The following PDE3A variants were observed in gnomAD, a reference collection of about 807,000 sequenced individuals.
PDE3A encodes the protein phosphodiesterase 3A.
In PDE3A, 43 loss-of-function variants were observed where a neutral mutation model predicts 98.3. The observed-to-expected ratio is 0.44, with a 90% CI of 0.34 to 0.56. The LOEUF is 0.56. Ranked by LOEUF, PDE3A falls within the 20% of genes least tolerant of loss-of-function variation. PDE3A has a pLI of 0.01. For missense variants in PDE3A, 1,427 were observed against 1,440.7 expected (o/e 0.99, Z 0.15); for synonymous variants, 663 against 567.9 (o/e 1.17, Z -2.38).
intron 1 of PDE3A, among the ~76,000 whole-genome samples, chr12:20,448,451 A>C (rs560242694): frequency 9.3e-4 from 142 of 152,276 alleles, no homozygotes; most frequent in African/African-American, 3.4e-3. Flanking sequence ...CCAGGGGGAA[A>C]TATTAGTGAA....
At chr12:20,575,477 G>T (rs1398062398) in intron 2 of PDE3A, among the ~76,000 whole-genome samples, 1 of 151,984 alleles carries the variant, frequency 6.6e-6, no homozygotes, top group African/African-American at 2.4e-5. Flanking sequence ...AGATAAATTT[G>T]CCTTGCAACT....
chr12:20,587,140 T>G (rs1189559899), intron 2 of PDE3A, among the ~76,000 whole-genome samples: 1 of 151,984 alleles, frequency 6.6e-6, no homozygotes, highest in Non-Finnish European at 1.5e-5. Flanking sequence ...GAGGTCGAGG[T>G]GGGTGGATCA....
chr12:20,610,196 C>A (rs1943813623), intron 2 of PDE3A, among the ~76,000 whole-genome samples: 1 of 151,772 alleles, frequency 6.6e-6, no homozygotes, highest in African/African-American at 2.4e-5. Flanking sequence ...TCTTATAACA[C>A]AATAGGGGAA....
intron 15 of PDE3A, among the ~76,000 whole-genome samples, chr12:20,666,320 G>A (rs563286515): frequency 6.6e-6 from 1 of 152,170 alleles, no homozygotes; most frequent in South Asian, 2.1e-4. Flanking sequence ...TTTAAAGTAT[G>A]CAATACATTA....
At chr12:20,400,379 G>GTTTTTTTTTTTTTTTTTTTTTTTT (rs75851941) in intron 1 of PDE3A, among the ~76,000 whole-genome samples, 8 of 110,286 alleles carry the variant, frequency 7.3e-5, no homozygotes, top group Non-Finnish European at 1.2e-4. Context: ...GTTAACATTG[G>GTTTTTTTTTTTTTTTTTTTTTTTT]TTTTTTTTTT....
chr12:20,510,864 T>A lies in PDE3A; in HGVS notation c.961-45796T>A, dbSNP rs146749934. Among the ~76,000 whole-genome samples, 681 of 152,230 alleles carry A rather than the reference T, an allele frequency of 4.5e-3. 7 individuals carry two copies. Among genetic ancestry groups the A allele is most frequent in the African/African-American group, 0.011 (464 of 41,552 alleles). On this transcript the variant is annotated intron_variant, in intron 1 of 15. Transcript: ENST00000359062. ...GAAGGTCATACATGTTATTTATATG[T>A]CTTCTCCTTCATTCATTTGCTCAAA...
intron 15 of PDE3A, among the ~76,000 whole-genome samples, chr12:20,656,704 G>A (rs1945052361): frequency 6.6e-6 from 1 of 152,098 alleles, no homozygotes; most frequent in Admixed American, 6.5e-5. Context: ...GAATAAGACA[G>A]TTTTTCCACT....
intron 1 of PDE3A, among the ~76,000 whole-genome samples, chr12:20,536,720 T>C (rs1941758662): frequency 6.6e-6 from 1 of 152,152 alleles, no homozygotes; most frequent in South Asian, 2.1e-4. Context: ...TCAGTACTAC[T>C]TCATTTCTTT....
chr12:20,685,205 G>A lies in PDE3A; in HGVS notation c.*4934G>A, dbSNP rs950373187. ...AGGCTGGTGGATCACCTGAGGTCGGGAGTTCGACACCAGCCTGACCAACAC... is the reference window on the plus strand; with the variant it reads ...AGGCTGGTGGATCACCTGAGGTCGGAAGTTCGACACCAGCCTGACCAACAC... On this transcript the variant is annotated 3_prime_UTR_variant, in exon 16 of 16. Transcript: ENST00000359062. Among the ~76,000 whole-genome samples, 12 of 152,130 alleles carry A rather than the reference G, an allele frequency of 7.9e-5. No individual in the cohort carries two copies. The highest frequency in any genetic ancestry group is 1.3e-4 in the Admixed American group (2 of 15,266).
At chr12:20,644,238 T>C (rs1241987442) in intron 10 of PDE3A, among the ~76,000 whole-genome samples, 2 of 152,196 alleles carry the variant, frequency 1.3e-5, no homozygotes, top group Non-Finnish European at 2.9e-5. Flanking sequence ...TATTTTATTC[T>C]TACAAATCCA....
In PDE3A at chr12:20,535,597, G is replaced by C. The variant is rs565027379; in HGVS notation, c.961-21063G>C. Among the ~76,000 whole-genome samples the C allele has an allele frequency of 8.5e-5, 13 of 152,094 alleles. No homozygotes were observed. In the East Asian group the frequency reaches 2.3e-3, roughly 27 times the overall value. On this transcript the variant is annotated intron_variant, in intron 1 of 15. Transcript: ENST00000359062. The stretch of plus-strand genomic sequence containing the variant: ...CATGAACAGTACTTAGTACATGCCT[G>C]GTACACAGTAAGGACTCAACCACTA...
chr12:20,481,825 T>G (rs561966434), intron 1 of PDE3A, among the ~76,000 whole-genome samples: 1 of 126,836 alleles, frequency 7.9e-6, no homozygotes, highest in African/African-American at 2.9e-5. Context: ...AATGCAGGGG[T>G]GCGATCTCGG....
chr12:20,635,201 A>C, intron 8 of PDE3A, 145 bp downstream of exon 8: 19 of 663,998 alleles, frequency 2.9e-5, no homozygotes, highest in Non-Finnish European at 4.3e-5. Context: ...CGGGCAGATC[A>C]CGAGGTCAGG....
Position 20,421,688 on chromosome 12 carries a change from G to A in PDE3A, c.960+51444G>A, listed in dbSNP as rs189690237. Among the ~76,000 whole-genome samples, 4 of 152,182 alleles carry A rather than the reference G, an allele frequency of 2.6e-5. No individual in the cohort carries two copies. In the East Asian group the frequency reaches 7.7e-4, roughly 29 times the overall value. On this transcript the variant is annotated intron_variant, in intron 1 of 15. Coordinates refer to ENST00000359062, the MANE Select transcript of PDE3A (RefSeq NM_000921.5). The stretch of plus-strand genomic sequence containing the variant: ...TTTGCTATTAACAGGAAGTGGGAGA[G>A]GTGAAATGAGCCCTGGTTTTGTGGC...
intron 1 of PDE3A, among the ~76,000 whole-genome samples, chr12:20,548,492 T>C (rs1362887352): frequency 6.6e-6 from 1 of 152,114 alleles, no homozygotes; most frequent in Non-Finnish European, 1.5e-5. Context: ...TCAACTAGAA[T>C]ATATTTAAAC....
At chr12:20,649,149 T>C (rs1418440143) in intron 13 of PDE3A, among the ~76,000 whole-genome samples, 2 of 151,854 alleles carry the variant, frequency 1.3e-5, no homozygotes, top group Non-Finnish European at 2.9e-5. Context: ...GCCAGGCTGC[T>C]CTCAAACTCC....
chr12:20,646,022 A>T (rs1944768041), intron 10 of PDE3A, among the ~76,000 whole-genome samples: 1 of 152,234 alleles, frequency 6.6e-6, no homozygotes, highest in Non-Finnish European at 1.5e-5. Flanking sequence ...AGATTGATAC[A>T]GAAAAATGGT....
intron 10 of PDE3A, among the ~76,000 whole-genome samples, chr12:20,644,747 C>T (rs1592142150): frequency 6.6e-6 from 1 of 152,070 alleles, no homozygotes; most frequent in East Asian, 1.9e-4. Context: ...TATTATTACT[C>T]ATATTTACGA....
chr12:20,547,000 A>C (rs1309752928), intron 1 of PDE3A, among the ~76,000 whole-genome samples: 1 of 152,108 alleles, frequency 6.6e-6, no homozygotes, highest in Non-Finnish European at 1.5e-5. Flanking sequence ...CAAAGATCCA[A>C]TCCCTTTTTA....
Sources: gnomAD v4.1 joint callset for allele counts (sites outside exome capture counted in the v4.1 genomes callset) on GRCh38, gnomAD v4.1.1 for gene constraint, MANE v1.5 for transcripts, NCBI Gene and HGNC (gene_info 2026-07-23, HGNC 2026-07-21) for gene names.